Variants in AKAP3 observed in about 807,000 individuals in gnomAD.
The protein encoded by AKAP3 is A-kinase anchor protein 3.
Under a neutral mutation model 57.2 loss-of-function variants are expected in AKAP3, and 27 were observed. That is an observed-to-expected ratio of 0.47 (90% confidence interval 0.35 to 0.65). AKAP3 has a LOEUF of 0.65. Ranked by LOEUF, AKAP3 falls within the 30% of genes least tolerant of loss-of-function variation. The probability of loss-of-function intolerance (pLI) is 0.01; values close to 1 mark genes in which losing one functional copy is unlikely to be tolerated. For synonymous variants in AKAP3, 334 were observed against 392.3 expected (o/e 0.85, Z 1.76); for missense variants, 959 against 1,040.0 (o/e 0.92, Z 1.07).
intron 5 of AKAP3, among the ~76,000 whole-genome samples, chr12:4,616,922 T>C (rs982989666): frequency 5.9e-5 from 9 of 152,264 alleles, no homozygotes; most frequent in Non-Finnish European, 1.0e-4. Context: ...AAATAATAGA[T>C]GAGAGTATTC....
In AKAP3 at chr12:4,626,773, A is replaced by C; in HGVS notation, c.2129T>G (p.Phe710Cys). The C allele has an allele frequency of 6.2e-7, 1 of 1,612,282 alleles. No individual in the cohort carries two copies. Among genetic ancestry groups the C allele is most frequent in the Admixed American group, 1.7e-5 (1 of 59,776 alleles). ...SGDASRLTSAFPDSLYECLPA... is the reference protein window; with the variant it reads ...SGDASRLTSACPDSLYECLPA... ...TAAGCACTCATATAAACTATCTGGG[A>C]AGGCCGAAGTTAGCCTACTGGCATC... The change falls in exon 5 of 6, where the codon TTC (phenylalanine) becomes TGC (cysteine). Residue 710 changes from phenylalanine to cysteine, a missense_variant. By Grantham distance (205) the Phe-to-Cys change is radical. Coordinates refer to ENST00000228850, the MANE Select transcript of AKAP3 (RefSeq NM_001278309.2).
chr12:4,646,778 C>T (rs1591538758), intron 1 of AKAP3, among the ~76,000 whole-genome samples: 1 of 151,932 alleles, frequency 6.6e-6, no homozygotes. Flanking sequence ...GTCAAAATAT[C>T]TCAGTTTCTT....
chr12:4,644,793 A>G (rs1945678735), intron 2 of AKAP3, among the ~76,000 whole-genome samples: 1 of 152,200 alleles, frequency 6.6e-6, no homozygotes, highest in Admixed American at 6.5e-5. Context: ...GGATGCCTGT[A>G]ATCTCAGCTA....
chr12:4,619,691 A>G (rs1271209109), intron 5 of AKAP3, among the ~76,000 whole-genome samples: 1 of 152,248 alleles, frequency 6.6e-6, no homozygotes, highest in East Asian at 1.9e-4. Flanking sequence ...ATGAAAACAT[A>G]TAACCACACA....
In AKAP3 at chr12:4,627,617, T is replaced by G. The variant is rs992814355; in HGVS notation, c.1285A>C (p.Lys429Gln). The change falls in exon 5 of 6, where the codon AAA becomes CAA. Residue 429 changes from lysine (K) to glutamine (Q), a missense_variant. Physicochemically the swap from Lys to Gln is moderately conservative, Grantham distance 53. Transcript: ENST00000228850. Reference sequence around the variant, plus strand: ...TCAGAATACATTTTTTCTCTCAATTTAGTTTCAGATTTCATGGCAAAGTTC... The same window carrying G: ...TCAGAATACATTTTTTCTCTCAATTGAGTTTCAGATTTCATGGCAAAGTTC... ...NVNFAMKSET[K>Q]LREKMYSEPK... 5.6e-6 allele frequency: 9 copies of G among 1,613,984 alleles called. No homozygotes were observed. Among genetic ancestry groups the G allele is most frequent in the Admixed American group, 3.3e-5 (2 of 60,008 alleles).
chr12:4,638,045 C>T, intron 4 of AKAP3, 56 bp downstream of exon 4: 1 of 1,402,980 alleles, frequency 7.1e-7, no homozygotes, highest in Non-Finnish European at 1.0e-6. Context: ...TAAGGCTACT[C>T]TTAATGACAG....
intron 3 of AKAP3, among the ~76,000 whole-genome samples, chr12:4,639,814 CTTTTTT>C (rs34820221): frequency 1.8e-5 from 2 of 111,130 alleles, no homozygotes; most frequent in African/African-American, 6.5e-5. Context: ...ATTTTCTTGT[CTTTTTT>C]TTTTTTTTTT....
At chr12:4,645,241 G>A (rs1485536242) in intron 1 of AKAP3, 49 bp from the exon 2 acceptor site, 1 of 152,218 alleles carries the variant, frequency 6.6e-6, no homozygotes, top group Non-Finnish European at 1.5e-5. Flanking sequence ...TGTCTCTATA[G>A]CAACAGTAGT....
intron 4 of AKAP3, chr12:4,631,229 C>G: frequency 3.2e-6 from 2 of 619,670 alleles, no homozygotes; most frequent in East Asian, 3.0e-5. Context: ...TTGGTAATCT[C>G]TTTTATGGAT....
chr12:4,638,576 T>G (rs546091036), intron 3 of AKAP3, among the ~76,000 whole-genome samples: 1 of 152,138 alleles, frequency 6.6e-6, no homozygotes, highest in Admixed American at 6.5e-5. Context: ...GTGACCAAAA[T>G]AGAATTAATT....
chr12:4,621,684 C>T (rs906114767), intron 5 of AKAP3, among the ~76,000 whole-genome samples: 1 of 152,218 alleles, frequency 6.6e-6, no homozygotes, highest in East Asian at 1.9e-4. Flanking sequence ...ATTATGTTCA[C>T]ACAATGAGGA....
At position 4,628,451 on chromosome 12, in the gene AKAP3, C is replaced by G; in HGVS notation, c.451G>C (p.Glu151Gln). The change falls in exon 5 of 6, where the codon GAA becomes CAA. Residue 151 changes from glutamate (E) to glutamine (Q), a missense_variant. Transcript: ENST00000228850. The stretch of plus-strand genomic sequence containing the variant: ...AATGACTGATAGACACATTTGTTTT[C>G]AGAGCCATCGATCTTCTCATTGATC... ...KEINEKIDGS[E>Q]NKCVYQSLYM... The G allele has an allele frequency of 1.2e-6, 2 of 1,614,176 alleles. No individual in the cohort carries two copies. Among genetic ancestry groups the G allele is most frequent in the Non-Finnish European group, 1.7e-6 (2 of 1,180,032 alleles).
intron 3 of AKAP3, among the ~76,000 whole-genome samples, chr12:4,639,107 T>C (rs1030431151): frequency 6.6e-6 from 1 of 152,230 alleles, no homozygotes; most frequent in Admixed American, 6.5e-5. Context: ...TACATACCTA[T>C]TATATGTACT....
chr12:4,639,290 C>G (rs573094218), intron 3 of AKAP3, among the ~76,000 whole-genome samples: 133 of 152,300 alleles, frequency 8.7e-4, no homozygotes, highest in Middle Eastern at 6.8e-3. Flanking sequence ...CATTCCCAGG[C>G]TTTCACACTG....
chr12:4,627,452 T>C lies in AKAP3; in HGVS notation c.1450A>G (p.Thr484Ala), dbSNP rs1945433923. The C allele has an allele frequency of 1.9e-6, 3 of 1,614,066 alleles. No individual in the cohort carries two copies. Among genetic ancestry groups the C allele is most frequent in the Non-Finnish European group, 2.5e-6 (3 of 1,179,994 alleles). The change falls in exon 5 of 6, where the codon ACA (threonine) becomes GCA (alanine). Residue 484 changes from threonine (T) to alanine (A), a missense_variant. Thr to Ala is a moderately conservative substitution (Grantham distance 58). Coordinates refer to ENST00000228850, the MANE Select transcript of AKAP3 (RefSeq NM_001278309.2). ...ATGTCTGATGCAGGCTTACGCTGTG[T>C]GTTGGGAGCTTCAAATGCTGCATGC... Reference protein sequence around the residue: ...FQHAAFEAPNTQRKPASDISF... With the variant: ...FQHAAFEAPNAQRKPASDISF...
At chr12:4,620,334 A>T (rs1006955718) in intron 5 of AKAP3, among the ~76,000 whole-genome samples, 2 of 151,968 alleles carry the variant, frequency 1.3e-5, no homozygotes, top group Non-Finnish European at 2.9e-5. Context: ...TACTAAAAGT[A>T]CAAAAATTAC....
intron 5 of AKAP3, among the ~76,000 whole-genome samples, chr12:4,626,244 T>C (rs1945410144): frequency 6.6e-6 from 1 of 152,224 alleles, no homozygotes; most frequent in South Asian, 2.1e-4. Flanking sequence ...TCCTCATCTG[T>C]ACACTCCTAC....
chr12:4,635,704 T>A (rs1945556554), intron 4 of AKAP3: 1 of 713,738 alleles, frequency 1.4e-6, no homozygotes, highest in Admixed American at 2.1e-5. Flanking sequence ...CAGCTATGGC[T>A]GCTTGTGCTC....
At chr12:4,616,743 A>G (rs939215590) in intron 5 of AKAP3, among the ~76,000 whole-genome samples, 1 of 152,230 alleles carries the variant, frequency 6.6e-6, no homozygotes, top group Non-Finnish European at 1.5e-5. Context: ...AGGTAGATCA[A>G]TAAAAATTAT....
Sources: allele counts gnomAD v4.1 joint callset (sites outside exome capture counted in the v4.1 genomes callset), GRCh38; gene constraint gnomAD v4.1.1; transcripts MANE v1.5; gene names NCBI Gene and HGNC (gene_info 2026-07-23, HGNC 2026-07-21).